The following PLCL2 variants were observed in gnomAD, a reference collection of about 807,000 sequenced individuals.
PLCL2 encodes phospholipase C like 2.
PLCL2 carries 4 observed loss-of-function variants against 79.6 expected under a neutral mutation model. That is an observed-to-expected ratio of 0.05 (90% confidence interval 0.02 to 0.11). The LOEUF (loss-of-function observed/expected upper bound fraction) is 0.11. PLCL2 is among the 10% of genes least tolerant of loss of function. The pLI, the probability that PLCL2 is intolerant of heterozygous loss-of-function variation, is 1.00. For synonymous variants in PLCL2, 484 were observed against 457.7 expected (o/e 1.06, Z -0.73); for missense variants, 895 against 1,291.0 (o/e 0.69, Z 4.70).
chr3:16,951,119 TCTG>T (rs1250690318), intron 1 of PLCL2, among the ~76,000 whole-genome samples: 2 of 152,138 alleles, frequency 1.3e-5, no homozygotes, highest in African/African-American at 4.8e-5. Context: ...TGAATGGCTT[TCTG>T]TTTTTTTTCC....
At chr3:16,993,005 A>AG (rs555852237) in intron 1 of PLCL2, among the ~76,000 whole-genome samples, 30 of 152,280 alleles carry the variant, frequency 2.0e-4, no homozygotes, top group Middle Eastern at 6.8e-3. Context: ...TTGAAAGGTG[A>AG]GGAGACCTTT....
chr3:16,901,866 A>G (rs910997890), intron 1 of PLCL2, among the ~76,000 whole-genome samples: 1 of 151,588 alleles, frequency 6.6e-6, no homozygotes, highest in Non-Finnish European at 1.5e-5. Context: ...CTTTCCTTCC[A>G]TTCACCCCTC....
In PLCL2 at chr3:17,016,506, T is replaced by C. The variant is rs1162886442; in HGVS notation, c.3018+1595T>C. Among the ~76,000 whole-genome samples, 2 of 152,130 alleles carry C rather than the reference T, an allele frequency of 1.3e-5. 1 individual carries two copies. Among genetic ancestry groups the C allele is most frequent in the Non-Finnish European group, 2.9e-5 (2 of 67,998 alleles). On this transcript the variant is annotated intron_variant, in intron 3 of 5. Coordinates refer to ENST00000615277, the MANE Select transcript of PLCL2 (RefSeq NM_001144382.2). ...CAGGTGTCTGATGAGCCTCAGGTGC[T>C]GAGTGCCACTGTGCTGAGTGCCAAA...
chr3:17,087,151 C>T lies in PLCL2; in HGVS notation c.3205-2582C>T, dbSNP rs190643727. ...ACCATATGATCCAGCGATCATACCCCTTGGAATGTACCTAAATGAATTGGA... is the reference window on the plus strand; with the variant it reads ...ACCATATGATCCAGCGATCATACCCTTTGGAATGTACCTAAATGAATTGGA... On this transcript the variant is annotated intron_variant, in intron 5 of 5. Transcript: ENST00000615277. Among the ~76,000 whole-genome samples the T allele has an allele frequency of 2.0e-5, 3 of 152,294 alleles. No homozygotes were observed. The East Asian group carries it at 5.8e-4, about 29-fold the overall frequency.
At position 16,966,818 on chromosome 3, in the gene PLCL2, T is replaced by C. The variant is rs141104059; in HGVS notation, c.328-42856T>C. Among the ~76,000 whole-genome samples the C allele has an allele frequency of 3.6e-3, 545 of 152,192 alleles. 1 individual carries two copies. Among genetic ancestry groups the C allele is most frequent in the Middle Eastern group, 6.8e-3 (2 of 294 alleles). On this transcript the variant is annotated intron_variant, in intron 1 of 5. Coordinates refer to ENST00000615277, the MANE Select transcript of PLCL2 (RefSeq NM_001144382.2). ...GTTTGCAAATGATTTTTTTTACTTT[T>C]ATTTTAAGTTCAGAGGTCACGGGAG...
At chr3:16,889,294 A>G (rs1016233734) in intron 1 of PLCL2, among the ~76,000 whole-genome samples, 9 of 152,104 alleles carry the variant, frequency 5.9e-5, no homozygotes, top group East Asian at 5.8e-4. Flanking sequence ...GCTGCACTCC[A>G]TTGCTTCCCC....
At chr3:17,048,889 G>A (rs558439648) in intron 4 of PLCL2, among the ~76,000 whole-genome samples, 1 of 152,280 alleles carries the variant, frequency 6.6e-6, no homozygotes, top group South Asian at 2.1e-4. Context: ...GATACTGTAA[G>A]TGCTCCCAAG....
chr3:16,946,549 G>A (rs1440241151), intron 1 of PLCL2, among the ~76,000 whole-genome samples: 1 of 152,122 alleles, frequency 6.6e-6, no homozygotes, highest in Non-Finnish European at 1.5e-5. Context: ...GTTGGTCTGA[G>A]ATTATAAGGA....
chr3:16,893,870 A>G (rs976893679), intron 1 of PLCL2, among the ~76,000 whole-genome samples: 2 of 152,246 alleles, frequency 1.3e-5, no homozygotes, highest in Non-Finnish European at 2.9e-5. Flanking sequence ...AAACCAAATA[A>G]TGTAGTGCTA....
Position 17,011,064 on chromosome 3 carries a change from C to T in PLCL2, c.1718C>T (p.Ser573Phe), listed in dbSNP as rs773357637. 1 of 1,614,016 alleles carries T rather than the reference C, an allele frequency of 6.2e-7. No individual in the cohort carries two copies. Among genetic ancestry groups the T allele is most frequent in the Non-Finnish European group, 8.5e-7 (1 of 1,180,000 alleles). ...GKILIKAKKL[S>F]SNCSGVEGDV... is the part of the protein sequence containing the mutation. ...ATACTAATTAAAGCAAAGAAGCTGT[C>T]CTCAAATTGCTCTGGGGTAGAAGGA... Residue 573 changes from serine to phenylalanine, a missense_variant, in exon 2 of 6, where the codon TCC becomes TTC. Ser to Phe is a radical substitution (Grantham distance 155). Coordinates refer to ENST00000615277, the MANE Select transcript of PLCL2 (RefSeq NM_001144382.2). The surrounding 1 kb of genome is among the most constrained non-coding windows in gnomAD (Gnocchi z 7.9).
At chr3:16,956,153 T>C (rs1025524717) in intron 1 of PLCL2, among the ~76,000 whole-genome samples, 2 of 152,122 alleles carry the variant, frequency 1.3e-5, no homozygotes, top group Non-Finnish European at 2.9e-5. Context: ...CAGTATGATA[T>C]TGGCTGTGGG....
intron 1 of PLCL2, among the ~76,000 whole-genome samples, chr3:16,954,272 C>T (rs551794066): frequency 8.5e-5 from 13 of 152,182 alleles, no homozygotes; most frequent in South Asian, 4.2e-4. Flanking sequence ...TGAGCACATG[C>T]GGTGTTTGGT....
intron 1 of PLCL2, among the ~76,000 whole-genome samples, chr3:17,004,759 C>G (rs2064244399): frequency 6.6e-6 from 1 of 151,968 alleles, no homozygotes; most frequent in Non-Finnish European, 1.5e-5. Flanking sequence ...ATTTAATGGA[C>G]TTCAAGTTCT....
intron 4 of PLCL2, among the ~76,000 whole-genome samples, chr3:17,044,567 G>A (rs1469172673): frequency 6.6e-6 from 1 of 152,002 alleles, no homozygotes; most frequent in African/African-American, 2.4e-5. Context: ...ACCTCCTAAA[G>A]CACTAAGATT....
At chr3:17,014,014 G>A (rs1407163617) in intron 2 of PLCL2, among the ~76,000 whole-genome samples, 1 of 152,222 alleles carries the variant, frequency 6.6e-6, no homozygotes, top group Admixed American at 6.5e-5. Flanking sequence ...CACTTAGTAA[G>A]TGTTCATAGA....
intron 1 of PLCL2, among the ~76,000 whole-genome samples, chr3:16,980,283 C>T (rs1052029010): frequency 4.8e-5 from 7 of 147,368 alleles, no homozygotes; most frequent in Admixed American, 1.3e-4. Flanking sequence ...TGACCCCCCC[C>T]ACCTCCCTCT....
chr3:16,942,531 A>G (rs547405367), intron 1 of PLCL2, among the ~76,000 whole-genome samples: 12 of 152,126 alleles, frequency 7.9e-5, no homozygotes, highest in Non-Finnish European at 1.6e-4. Flanking sequence ...ATGGCAGGAG[A>G]TGCGGGATGC....
intron 5 of PLCL2, among the ~76,000 whole-genome samples, chr3:17,071,152 T>A (rs750191187): frequency 6.6e-6 from 1 of 152,072 alleles, no homozygotes; most frequent in African/African-American, 2.4e-5. Flanking sequence ...CATAAGGAGG[T>A]AGGGTGGCCA....
intron 1 of PLCL2, among the ~76,000 whole-genome samples, chr3:16,978,130 T>G (rs2063944705): frequency 6.6e-6 from 1 of 152,234 alleles, no homozygotes. Context: ...AGCCAATACA[T>G]ATAATTTTGG....
Sources: allele counts gnomAD v4.1 joint callset (sites outside exome capture counted in the v4.1 genomes callset), GRCh38; gene constraint gnomAD v4.1.1; non-coding constraint Gnocchi (gnomAD v3.1); transcripts MANE v1.5; gene names NCBI Gene and HGNC (gene_info 2026-07-23, HGNC 2026-07-21).